Variants in CHN2 observed in about 807,000 individuals in gnomAD.
CHN2 encodes beta-chimaerin.
A neutral mutation model predicts 56.3 loss-of-function variants in CHN2; 35 were observed. The observed-to-expected ratio is 0.62, with a 90% CI of 0.47 to 0.82. The LOEUF is 0.82. Ranked by LOEUF, CHN2 falls within the 40% of genes least tolerant of loss-of-function variation. CHN2 has a pLI of 0.00. For synonymous variants in CHN2, 210 were observed against 212.8 expected, an observed-to-expected ratio of 0.99 and a Z score of 0.12; for missense variants, 491 against 580.5, an observed-to-expected ratio of 0.85 and a Z score of 1.58.
chr7:29,479,094 AT>A (rs1474566551), intron 6 of CHN2, among the ~76,000 whole-genome samples: 1 of 152,124 alleles, frequency 6.6e-6, no homozygotes, highest in Non-Finnish European at 1.5e-5. Context: ...AGCTGCATTA[AT>A]CTTCACCAAT....
chr7:29,393,073 T>C (rs749146783), intron 3 of CHN2, among the ~76,000 whole-genome samples: 3 of 152,226 alleles, frequency 2.0e-5, no homozygotes, highest in Non-Finnish European at 2.9e-5. Context: ...AGGCTAAAGC[T>C]GTGATTGAAA....
intron 2 of CHN2, among the ~76,000 whole-genome samples, chr7:29,164,361 G>A (rs1795617967): frequency 6.6e-6 from 1 of 152,034 alleles, no homozygotes; most frequent in African/African-American, 2.4e-5. Context: ...TTATTAAGTT[G>A]TAAGGGTTTA....
At chr7:29,332,660 C>T (rs1320894725) in intron 1 of CHN2, among the ~76,000 whole-genome samples, 7 of 152,074 alleles carry the variant, frequency 4.6e-5, no homozygotes, top group Admixed American at 4.6e-4. Flanking sequence ...TTATTCACAT[C>T]CCATCATGTC....
At chr7:29,472,883 C>A (rs1256178870) in intron 6 of CHN2, among the ~76,000 whole-genome samples, 1 of 152,210 alleles carries the variant, frequency 6.6e-6, no homozygotes, top group African/African-American at 2.4e-5. Flanking sequence ...GCCAGCACCC[C>A]CAGTCTGCCA....
chr7:29,318,615 G>T (rs879910), intron 1 of CHN2, among the ~76,000 whole-genome samples: 15,591 of 152,132 alleles, frequency 0.1, 841 homozygotes, highest in East Asian at 0.2. Flanking sequence ...CCCTGAGCCA[G>T]TCACAGTCAT....
intron 1 of CHN2, among the ~76,000 whole-genome samples, chr7:29,195,643 TGTGTGTGA>T (rs1384848095): frequency 3.3e-5 from 4 of 121,086 alleles, no homozygotes; most frequent in East Asian, 2.8e-4. Flanking sequence ...TGTGTGTGTG[TGTGTGTGA>T]GAGAGAGAGA....
At chr7:29,343,164 T>C (rs1353381444) in intron 1 of CHN2, among the ~76,000 whole-genome samples, 1 of 152,168 alleles carries the variant, frequency 6.6e-6, no homozygotes, top group East Asian at 1.9e-4. Flanking sequence ...GAAGTAGTGG[T>C]GGTGAGGTTG....
At chr7:29,363,854 G>A (rs1296807963) in intron 2 of CHN2, among the ~76,000 whole-genome samples, 1 of 152,094 alleles carries the variant, frequency 6.6e-6, no homozygotes, top group Non-Finnish European at 1.5e-5. Context: ...AACAGTAACT[G>A]CAAAAGCCCT....
chr7:29,195,179 C>T (rs1356959936), intron 1 of CHN2, 189 bp downstream of exon 1: 4 of 518,672 alleles, frequency 7.7e-6, no homozygotes, highest in Non-Finnish European at 1.3e-5. Context: ...CCGCGCCTGA[C>T]ATCTGACAGC....
rs1038617101 is a variant in CHN2 at position 29,317,438 on chromosome 7, A to G, written c.50-37187A>G. 4.6e-5 allele frequency among the ~76,000 whole-genome samples: 7 copies of G among 152,108 alleles called. No individual in the cohort carries two copies. The East Asian group carries it at 5.8e-4, about 13-fold the overall frequency. ...ATCCTCGATGTGCAAAGTGTGGTCC[A>G]TGGACCAAAAGCATTCAGTATCCTG... On this transcript the variant is annotated intron_variant, in intron 1 of 12. Transcript: ENST00000222792.
chr7:29,163,500 A>T (rs1795481837), intron 2 of CHN2, among the ~76,000 whole-genome samples: 1 of 152,190 alleles, frequency 6.6e-6, no homozygotes, highest in South Asian at 2.1e-4. Flanking sequence ...ACATATGTTA[A>T]TGGGCATATG....
At chr7:29,206,907 A>G (rs1328215312) in intron 1 of CHN2, among the ~76,000 whole-genome samples, 1 of 152,154 alleles carries the variant, frequency 6.6e-6, no homozygotes, top group Non-Finnish European at 1.5e-5. Flanking sequence ...AATCCTAGAG[A>G]CAGAAAGTAG....
At chr7:29,320,594 C>G (rs1184081725) in intron 1 of CHN2, among the ~76,000 whole-genome samples, 1 of 152,206 alleles carries the variant, frequency 6.6e-6, no homozygotes, top group East Asian at 1.9e-4. Flanking sequence ...TCCTCACTCA[C>G]ATCTAACAGC....
At chr7:29,202,796 A>G (rs1409859914) in intron 1 of CHN2, among the ~76,000 whole-genome samples, 2 of 152,198 alleles carry the variant, frequency 1.3e-5, no homozygotes, top group East Asian at 3.9e-4. Flanking sequence ...ATTACTTCAC[A>G]TAATGCCATA....
At position 29,406,569 on chromosome 7, in the gene CHN2, C is replaced by T. The variant is rs559474896; in HGVS notation, c.576+5741C>T. On this transcript the variant is annotated intron_variant, in intron 6 of 12. Transcript: ENST00000222792. ...CACACTCAGCCTCCCCTCCCCTCCC[C>T]GCCCTGGCATGCTGCACACCACCTT... 7.6e-4 allele frequency among the ~76,000 whole-genome samples: 116 copies of T among 152,290 alleles called. 1 individual carries two copies. Among genetic ancestry groups the T allele is most frequent in the Non-Finnish European group, 1.3e-3 (90 of 68,028 alleles).
chr7:29,357,330 C>T (rs935419938), intron 2 of CHN2, among the ~76,000 whole-genome samples: 17 of 152,104 alleles, frequency 1.1e-4, no homozygotes, highest in African/African-American at 1.4e-4. Context: ...ATGCCATCCA[C>T]GGCATCAAAA....
At chr7:29,243,311 A>G (rs1787828890) in intron 1 of CHN2, among the ~76,000 whole-genome samples, 1 of 152,182 alleles carries the variant, frequency 6.6e-6, no homozygotes, top group African/African-American at 2.4e-5. Context: ...TTTCCACCCA[A>G]TTTGAGACCA....
At chr7:29,235,129 C>T (rs1303954962) in intron 1 of CHN2, among the ~76,000 whole-genome samples, 1 of 152,022 alleles carries the variant, frequency 6.6e-6, no homozygotes. Flanking sequence ...AAGCAAATAC[C>T]CATGCATCCG....
intron 6 of CHN2, among the ~76,000 whole-genome samples, chr7:29,415,691 G>C (rs1273628073): frequency 1.3e-5 from 2 of 152,174 alleles, no homozygotes; most frequent in East Asian, 3.9e-4. Context: ...CCAAAGTGTG[G>C]ATCTTATGCC....
Sources: allele counts gnomAD v4.1 joint callset (sites outside exome capture counted in the v4.1 genomes callset), GRCh38; gene constraint gnomAD v4.1.1; transcripts MANE v1.5; gene names NCBI Gene and HGNC (gene_info 2026-07-23, HGNC 2026-07-21).